Variants in AGBL1 observed in about 807,000 individuals in gnomAD.
AGBL1 encodes the protein AGBL carboxypeptidase 1.
Under a neutral mutation model 118.9 loss-of-function variants are expected in AGBL1, and 130 were observed. That is an observed-to-expected ratio of 1.09 (90% CI 0.95 to 1.26). The LOEUF is 1.26. Among genes scored for constraint, AGBL1 ranks in the 50% most tolerant of loss-of-function variants. AGBL1 has a pLI of 0.00. For missense variants in AGBL1, 1,584 were observed against 1,298.1 expected (o/e 1.22, Z -3.38); for synonymous variants, 555 against 478.9 (o/e 1.16, Z -2.08).
At chr15:86,486,539 C>G (rs2082714703) in intron 18 of AGBL1, among the ~76,000 whole-genome samples, 1 of 152,094 alleles carries the variant, frequency 6.6e-6, no homozygotes, top group African/African-American at 2.4e-5. Context: ...ACCCAGGCAC[C>G]TGGGCACAGT....
At chr15:86,279,525 T>C (rs1019116947) in intron 15 of AGBL1, 114 bp from the exon 16 acceptor site, 1 of 996,800 alleles carries the variant, frequency 1.0e-6, no homozygotes, top group Non-Finnish European at 1.5e-6. Context: ...TGAAGGCCAT[T>C]GTGCCAGGAC....
rs1241847795 is a variant in AGBL1, at chr15:86,256,992, C to A, written c.875C>A (p.Thr292Asn). 6.2e-7 allele frequency: 1 copy of A among 1,613,948 alleles called. No individual in the cohort carries two copies. Among genetic ancestry groups the A allele is most frequent in the Non-Finnish European group, 8.5e-7 (1 of 1,179,840 alleles). The change falls in exon 8 of 23, where the codon ACT (threonine) becomes AAT (asparagine). Residue 292 changes from threonine to asparagine, a missense_variant. Coordinates refer to ENST00000614907, the MANE Select transcript of AGBL1 (RefSeq NM_001386094.1). ...TTCCCGGTCCCCGGGTGCATCACCA[C>A]TGAACCTCCACATGATCTACCTGAA... ...YAFPVPGCITTEPPHDLPEED... is the reference protein window; with the variant it reads ...YAFPVPGCITNEPPHDLPEED...
At chr15:86,411,189 G>A (rs1596081386) in intron 18 of AGBL1, among the ~76,000 whole-genome samples, 1 of 151,778 alleles carries the variant, frequency 6.6e-6, no homozygotes, top group East Asian at 2.0e-4. Flanking sequence ...CCTCCATCAA[G>A]GTATCTCCAA....
chr15:86,458,549 A>G (rs927293662), intron 18 of AGBL1, among the ~76,000 whole-genome samples: 1 of 152,170 alleles, frequency 6.6e-6, no homozygotes, highest in East Asian at 1.9e-4. Context: ...GTGAATTGGG[A>G]ACAAAGCTTA....
intron 5 of AGBL1, among the ~76,000 whole-genome samples, chr15:86,214,095 C>T (rs1276752885): frequency 6.6e-6 from 1 of 152,190 alleles, no homozygotes; most frequent in Non-Finnish European, 1.5e-5. Context: ...CTTGGTACCG[C>T]ATATGGCCAT....
chr15:86,664,558 A>T (rs1001180494), intron 21 of AGBL1, among the ~76,000 whole-genome samples: 2 of 152,118 alleles, frequency 1.3e-5, no homozygotes, highest in African/African-American at 4.8e-5. Flanking sequence ...ATACTAAGGA[A>T]ATGGATGTCT....
chr15:86,102,021 A>G, intron 1 of AGBL1, among the ~76,000 whole-genome samples: 1 of 144,146 alleles, frequency 6.9e-6, no homozygotes, highest in South Asian at 2.2e-4. Context: ...TAACATTTGA[A>G]TCCTTTCTCT....
intron 22 of AGBL1, among the ~76,000 whole-genome samples, chr15:86,815,942 G>T (rs576875306): frequency 1.3e-5 from 2 of 152,168 alleles, no homozygotes; most frequent in Non-Finnish European, 2.9e-5. Flanking sequence ...AAGTAAGTTC[G>T]TTGTTCATGC....
At chr15:86,862,706 C>T (rs766770804) in intron 22 of AGBL1, among the ~76,000 whole-genome samples, 2 of 152,154 alleles carry the variant, frequency 1.3e-5, no homozygotes, top group Non-Finnish European at 1.5e-5. Flanking sequence ...GTTGACAGAA[C>T]GAGACTCCAT....
At chr15:86,701,116 T>A (rs2086351115) in intron 22 of AGBL1, among the ~76,000 whole-genome samples, 1 of 152,204 alleles carries the variant, frequency 6.6e-6, no homozygotes, top group South Asian at 2.1e-4. Flanking sequence ...CATTCCATTA[T>A]CCACAGTGCT....
chr15:86,085,300 A>G (rs1406795245), intron 1 of AGBL1, among the ~76,000 whole-genome samples: 2 of 152,148 alleles, frequency 1.3e-5, no homozygotes, highest in Admixed American at 6.5e-5. Context: ...TCCCCCGGTC[A>G]TGGCGGGGGT....
At chr15:86,131,486 A>C (rs2076817735) in intron 1 of AGBL1, among the ~76,000 whole-genome samples, 1 of 147,738 alleles carries the variant, frequency 6.8e-6, no homozygotes, top group South Asian at 2.1e-4. Context: ...TTTGTAAAAT[A>C]GTAAGAAAGT....
At chr15:86,387,223 T>A (rs1324057260) in intron 17 of AGBL1, among the ~76,000 whole-genome samples, 4 of 152,038 alleles carry the variant, frequency 2.6e-5, no homozygotes, top group African/African-American at 9.7e-5. Context: ...ACAATGAGAA[T>A]TTGCTAGGTA....
intron 1 of AGBL1, among the ~76,000 whole-genome samples, chr15:86,102,040 CTT>C (rs199502531): frequency 1.1e-4 from 15 of 141,386 alleles, no homozygotes; most frequent in Non-Finnish European, 9.3e-5. Context: ...CTCTCTCTCT[CTT>C]TTTTTTTTTT....
intron 22 of AGBL1, among the ~76,000 whole-genome samples, chr15:86,782,569 G>T (rs954693725): frequency 6.6e-6 from 1 of 152,210 alleles, no homozygotes; most frequent in South Asian, 2.1e-4. Context: ...TGAGACTGGT[G>T]GTTAGACACA....
At chr15:86,108,833 T>C (rs1047429667) in intron 1 of AGBL1, among the ~76,000 whole-genome samples, 8 of 152,180 alleles carry the variant, frequency 5.3e-5, no homozygotes, top group Non-Finnish European at 8.8e-5. Context: ...GGCATGCACC[T>C]GTAGTCCCAG....
intron 23 of AGBL1, among the ~76,000 whole-genome samples, chr15:86,969,337 C>G (rs2081084353): frequency 6.6e-6 from 1 of 151,656 alleles, no homozygotes; most frequent in Non-Finnish European, 1.5e-5. Flanking sequence ...AAAACAGACA[C>G]GTTTTCCTTC....
intron 21 of AGBL1, among the ~76,000 whole-genome samples, chr15:86,672,954 A>G (rs2142546240): frequency 6.6e-6 from 1 of 152,302 alleles, no homozygotes; most frequent in East Asian, 1.9e-4. Flanking sequence ...TGTGAGGCTT[A>G]TGATTTCCCA....
intron 24 of AGBL1, among the ~76,000 whole-genome samples, chr15:87,004,072 A>G (rs559703341): frequency 6.6e-6 from 1 of 152,240 alleles, no homozygotes; most frequent in South Asian, 2.1e-4. Context: ...TATCAATTTT[A>G]GATCTTTCCT....
Sources: gnomAD v4.1 joint callset for allele counts (sites outside exome capture counted in the v4.1 genomes callset) on GRCh38, gnomAD v4.1.1 for gene constraint, MANE v1.5 for transcripts, NCBI Gene and HGNC (gene_info 2026-07-23, HGNC 2026-07-21) for gene names.